The following GREB1 variants were observed in gnomAD, a reference collection of about 807,000 sequenced individuals.
GREB1 encodes protein GREB1.
In GREB1, 106 loss-of-function variants were observed where a neutral mutation model predicts 200.7. The observed-to-expected ratio is 0.53, with a 90% CI of 0.45 to 0.62. The LOEUF is 0.62. Among genes scored for constraint, GREB1 ranks in the 20% least tolerant of loss-of-function variants. The probability of loss-of-function intolerance (pLI) is 0.00; values close to 1 mark genes in which losing one functional copy is unlikely to be tolerated. For synonymous variants in GREB1, 1,132 were observed against 1,092.4 expected, an observed-to-expected ratio of 1.04 and a Z score of -0.72; for missense variants, 2,243 against 2,556.8, an observed-to-expected ratio of 0.88 and a Z score of 2.65.
In GREB1 at chr2:11,585,781, C is replaced by A; in HGVS notation, c.1035C>A (p.Cys345Ter). The change falls in exon 9 of 33, where the codon TGC (cysteine) becomes TGA (stop). Residue 345 changes from cysteine (C) to a stop codon, truncating the protein, a stop_gained. Coordinates refer to ENST00000381486, the MANE Select transcript of GREB1 (RefSeq NM_014668.4). LOFTEE classifies it high-confidence loss of function. ...TCCTAGAGAGCGCAGGCATGTCCTG[C>A]GTGCCGCAGGTTGGCTTGGTGGGAC... ...RAKYESAGMS[C>*]VPQVGLVGPA... The A allele has an allele frequency of 6.2e-7, 1 of 1,613,304 alleles. No individual in the cohort carries two copies. Among genetic ancestry groups the A allele is most frequent in the Non-Finnish European group, 8.5e-7 (1 of 1,180,028 alleles).
At chr2:11,626,858 C>T (rs1684501322) in intron 24 of GREB1, 104 bp from the exon 25 acceptor site, 1 of 1,176,668 alleles carries the variant, frequency 8.5e-7, no homozygotes, top group African/African-American at 1.5e-5. Context: ...AGACAGAATC[C>T]TGTTGTCTGG....
chr2:11,504,541 A>G (rs1673128422), intron 1 of GREB1, among the ~76,000 whole-genome samples: 1 of 152,218 alleles, frequency 6.6e-6, no homozygotes, highest in South Asian at 2.1e-4. Flanking sequence ...AGTAGTCTCC[A>G]TTCCTTCCTT....
At chr2:11,622,836 C>A (rs1039507083) in intron 23 of GREB1, among the ~76,000 whole-genome samples, 1 of 152,176 alleles carries the variant, frequency 6.6e-6, no homozygotes, top group African/African-American at 2.4e-5. Context: ...GGACTCTGGC[C>A]GGAGTGGAAG....
At chr2:11,508,135 CAGAT>C (rs1439598013) in intron 1 of GREB1, among the ~76,000 whole-genome samples, 9 of 152,196 alleles carry the variant, frequency 5.9e-5, no homozygotes, top group Admixed American at 4.6e-4. Flanking sequence ...GAAAGACAGA[CAGAT>C]AGACACTGAG....
chr2:11,549,743 T>C (rs966427257), intron 1 of GREB1, among the ~76,000 whole-genome samples: 1 of 152,258 alleles, frequency 6.6e-6, no homozygotes, highest in African/African-American at 2.4e-5. Flanking sequence ...TCTTGTTTTG[T>C]GGATACATCA....
In GREB1 at chr2:11,615,114, G is replaced by A. The variant is rs1357318866; in HGVS notation, c.3146G>A (p.Arg1049Gln). The part of the protein sequence containing the change: ...LPRSLRYCDL[R>Q]LINSSCLVRT... Reference sequence around the variant, plus strand: ...AGGTCTTTGAGGTACTGTGACCTGCGATTGATAAACTCCTCCTGCTTGGTG... The same window carrying A: ...AGGTCTTTGAGGTACTGTGACCTGCAATTGATAAACTCCTCCTGCTTGGTG... Residue 1049 changes from arginine to glutamine, a missense_variant, in exon 20 of 33, where the codon CGA (arginine) becomes CAA (glutamine). This residue lies in a region of GREB1 where 1,178 missense variants were observed against 1,387.4 expected (regional missense o/e 0.85). Transcript: ENST00000381486. 2.5e-6 allele frequency: 4 copies of A among 1,613,920 alleles called. No homozygotes were observed. The highest frequency in any genetic ancestry group is 1.3e-5 in the African/African-American group (1 of 74,930).
chr2:11,607,517 TACATATATATAC>T (rs1309916446), intron 17 of GREB1, among the ~76,000 whole-genome samples: 6 of 103,390 alleles, frequency 5.8e-5, no homozygotes, highest in Non-Finnish European at 7.9e-5. Flanking sequence ...TATATGTACA[TACATATATATAC>T]ACATATATAT....
intron 5 of GREB1, 87 bp downstream of exon 5, chr2:11,576,622 C>A: frequency 4.1e-6 from 4 of 985,068 alleles, no homozygotes; most frequent in Non-Finnish European, 6.2e-6. Flanking sequence ...TGGGGAGAGG[C>A]CCCTGCATAG....
chr2:11,555,157 G>A (rs1292606191), intron 1 of GREB1, among the ~76,000 whole-genome samples: 2 of 152,014 alleles, frequency 1.3e-5, no homozygotes, highest in Non-Finnish European at 2.9e-5. Context: ...GAAAAGTTTG[G>A]AAAAAGTACA....
chr2:11,509,657 G>T (rs535342894), intron 1 of GREB1, among the ~76,000 whole-genome samples: 40 of 152,118 alleles, frequency 2.6e-4, no homozygotes, highest in Non-Finnish European at 5.4e-4. Flanking sequence ...TTAGGAGGGG[G>T]TTAGATCATG....
intron 1 of GREB1, among the ~76,000 whole-genome samples, chr2:11,485,005 A>AT (rs1436249901): frequency 5.3e-5 from 8 of 151,844 alleles, no homozygotes; most frequent in Non-Finnish European, 1.0e-4. Flanking sequence ...GCGCCCGGTT[A>AT]TTTTTTTGTA....
intron 1 of GREB1, among the ~76,000 whole-genome samples, chr2:11,553,187 G>A (rs560830788): frequency 6.6e-6 from 1 of 152,078 alleles, no homozygotes; most frequent in East Asian, 1.9e-4. Flanking sequence ...TTTGTTTAGG[G>A]CTATAAAATA....
chr2:11,542,650 GC>G (rs1364066904), intron 1 of GREB1: 2 of 152,340 alleles, frequency 1.3e-5, no homozygotes, highest in Non-Finnish European at 2.9e-5. Flanking sequence ...AGAAGAGGGA[GC>G]AGTTGATTTT....
chr2:11,628,723 A>T (rs1187481588), intron 25 of GREB1, among the ~76,000 whole-genome samples: 1 of 152,176 alleles, frequency 6.6e-6, no homozygotes, highest in Non-Finnish European at 1.5e-5. Context: ...GTCCCTACTC[A>T]TCCCTGTCAG....
intron 14 of GREB1, 52 bp from the exon 15 acceptor site, chr2:11,598,628 G>C: frequency 6.5e-7 from 1 of 1,539,608 alleles, no homozygotes; most frequent in East Asian, 2.3e-5. Flanking sequence ...TTGAGTGAAT[G>C]AAACCCAGTG....
Position 11,580,704 on chromosome 2 carries a change from G to T in GREB1, c.773G>T (p.Gly258Val), listed in dbSNP as rs1451331764. Residue 258 changes from glycine to valine, a missense_variant and splice_region_variant, in exon 7 of 33, where the codon GGA (glycine) becomes GTA (valine). By Grantham distance (109) the Gly-to-Val change is moderately radical. Coordinates refer to ENST00000381486, the MANE Select transcript of GREB1 (RefSeq NM_014668.4). The surrounding 1 kb of genome is among the most constrained non-coding windows in gnomAD (Gnocchi z 4.5). ...PSILMGAQQA[G>V]PASDHPSLNA... ...CTCTTTGCCTTCTATCTGTTTTCAG[G>T]ACCAGCTTCTGATCACCCCTCACTA... is the stretch of plus-strand genomic sequence containing the variant. 1.3e-5 allele frequency: 21 copies of T among 1,608,448 alleles called. No individual in the cohort carries two copies. Among genetic ancestry groups the T allele is most frequent in the Non-Finnish European group, 1.8e-5 (21 of 1,176,034 alleles).
At chr2:11,494,918 C>T (rs1057130240) in intron 1 of GREB1, among the ~76,000 whole-genome samples, 1 of 152,192 alleles carries the variant, frequency 6.6e-6, no homozygotes, top group African/African-American at 2.4e-5. Context: ...CACCCATGAC[C>T]TGTCTTTGGG....
intron 2 of GREB1, 109 bp downstream of exon 2, chr2:11,556,880 C>T: frequency 1.3e-6 from 1 of 777,146 alleles, no homozygotes; most frequent in East Asian, 3.1e-5. Flanking sequence ...TTGAATCTAG[C>T]AGAAAAGAAT....
In GREB1 at chr2:11,493,311, G is replaced by A. The variant is rs1050733129; in HGVS notation, c.-159+10930G>A. On this transcript the variant is annotated intron_variant, in intron 1 of 2. Transcript: ENST00000628795. This position sits in a 1 kb window ranked among gnomAD's most constrained non-coding sequence, Gnocchi z 4.6. The stretch of plus-strand genomic sequence containing the variant: ...AAGACAATTTTTCCACAGACAGGGT[G>A]TGGGGGAGGGTGAAACTATTCCACC... Among the ~76,000 whole-genome samples the A allele has an allele frequency of 6.6e-6, 1 of 152,198 alleles. No homozygotes were observed. The highest frequency in any genetic ancestry group is 2.4e-5 in the African/African-American group (1 of 41,440).
Sources: gnomAD v4.1 joint callset for allele counts (sites outside exome capture counted in the v4.1 genomes callset) on GRCh38, gnomAD v4.1.1 for gene constraint, gnomAD v4.1.1 regional missense constraint, Gnocchi (gnomAD v3.1) non-coding constraint, MANE v1.5 for transcripts, NCBI Gene and HGNC (gene_info 2026-07-23, HGNC 2026-07-21) for gene names.